The following NEK2 variants were observed in gnomAD, a reference collection of about 807,000 sequenced individuals.
NEK2 encodes the protein NIMA related kinase 2.
NEK2 carries 28 observed loss-of-function variants against 54.1 expected under a neutral mutation model. The observed-to-expected ratio is 0.52, with a 90% confidence interval of 0.38 to 0.71. The LOEUF (loss-of-function observed/expected upper bound fraction) is 0.71. Ranked by LOEUF, NEK2 falls within the 30% of genes least tolerant of loss-of-function variation. The pLI, the probability that NEK2 is intolerant of heterozygous loss-of-function variation, is 0.00. For synonymous variants in NEK2, 176 were observed against 193.1 expected, an observed-to-expected ratio of 0.91 and a Z score of 0.73; for missense variants, 407 against 531.5, an observed-to-expected ratio of 0.77 and a Z score of 2.30.
intron 7 of NEK2, among the ~76,000 whole-genome samples, chr1:211,664,102 T>C (rs1655101348): frequency 6.6e-6 from 1 of 151,462 alleles, no homozygotes; most frequent in Non-Finnish European, 1.5e-5. Flanking sequence ...CCTACAGTTT[T>C]GGTTAAATGT....
At position 211,662,953 on chromosome 1, in the gene NEK2, T is replaced by A; in HGVS notation, c.*473A>T. The stretch of plus-strand genomic sequence containing the variant: ...ATTTATAAGCAAGATGTCATGGTAT[T>A]AATGACCAAATTGCATCTAACTGGG... On this transcript the variant is annotated 3_prime_UTR_variant, in exon 8 of 8. Transcript: ENST00000366999. This position sits in a 1 kb window ranked among gnomAD's most constrained non-coding sequence, Gnocchi z 4.2. 1.0e-6 allele frequency: 1 copy of A among 989,428 alleles called. No individual in the cohort carries two copies. Among genetic ancestry groups the A allele is most frequent in the Non-Finnish European group, 1.2e-6 (1 of 831,972 alleles). The allele number at this position is 989,428 out of a possible 1,614,324, so 61.3% of individuals were successfully genotyped here. A position where few individuals can be genotyped will look rare whatever the true frequency, so the allele number is the denominator to read the frequency against.
rs1379600102 is a variant in NEK2, at chr1:211,663,303, T to C, written c.*123A>G. Reference sequence around the variant, plus strand: ...CAGTAAAACCAATTCCGAAATATCATGTGTACTATACAGAAAGGCATGGCT... The same window carrying C: ...CAGTAAAACCAATTCCGAAATATCACGTGTACTATACAGAAAGGCATGGCT... On this transcript the variant is annotated 3_prime_UTR_variant, in exon 8 of 8. Coordinates refer to ENST00000366999, the MANE Select transcript of NEK2 (RefSeq NM_002497.4). 10 of 1,444,040 alleles carry C rather than the reference T, an allele frequency of 6.9e-6. No homozygotes were observed. The highest frequency in any genetic ancestry group is 5.6e-5 in the Admixed American group (2 of 36,010). 89.5% of individuals were successfully genotyped at this position (1,444,040 alleles called of 1,614,324 possible).
At chr1:211,671,151 G>A (rs373739791) in intron 4 of NEK2, 51 bp downstream of exon 4, 23 of 1,432,926 alleles carry the variant, frequency 1.6e-5, no homozygotes, top group Admixed American at 1.0e-4. Flanking sequence ...CCAGTGAAAT[G>A]TGACAAACAG....
At chr1:211,662,444 A>G (rs894852), downstream of NEK2, among the ~76,000 whole-genome samples, 114,463 of 152,120 alleles carry the variant, frequency 0.75, 43,568 homozygotes, top group African/African-American at 0.85. This position sits in a 1 kb window ranked among gnomAD's most constrained non-coding sequence, Gnocchi z 4.2. Context: ...TGTTGTCAGC[A>G]GCTGTCCTGT....
At chr1:211,661,281 C>T, downstream of NEK2, 1 of 603,414 alleles carries the variant, frequency 1.7e-6, no homozygotes, top group Admixed American at 2.1e-5. Flanking sequence ...GGCTCTATTC[C>T]TGGATGCGGG....
chr1:211,660,782 CA>C, downstream of NEK2: 1 of 694,052 alleles, frequency 1.4e-6, no homozygotes, highest in South Asian at 1.4e-5. Flanking sequence ...AGGAAGAGCT[CA>C]ATCAGGTTCA....
chr1:211,666,459 C>T, intron 7 of NEK2: 1 of 957,816 alleles, frequency 1.0e-6, no homozygotes, highest in Non-Finnish European at 1.2e-6. Flanking sequence ...CAGTTTATCT[C>T]TCTGAAATCT....
downstream of NEK2, chr1:211,661,061 A>C (rs1571636728): frequency 1.3e-6 from 1 of 741,318 alleles, no homozygotes; most frequent in Non-Finnish European, 2.5e-6. Context: ...AATGCTAAGC[A>C]CCGTCAAACC....
chr1:211,672,576 G>A (rs1655430001), intron 3 of NEK2, among the ~76,000 whole-genome samples: 1 of 150,862 alleles, frequency 6.6e-6, no homozygotes. Context: ...CATTTACAGA[G>A]CCTCTTAAAT....
chr1:211,673,581 G>A lies in NEK2; in HGVS notation c.457C>T (p.Gln153Ter). The change falls in exon 3 of 8, where the codon CAA becomes TAA. Residue 153 changes from glutamine to a stop codon, truncating the protein, a stop_gained. Transcript: ENST00000366999. LOFTEE classifies it high-confidence loss of function. ...KPANVFLDGK[Q>*]NVKLGDFGLA... ...CCAAAGTCTCCAAGCTTGACGTTTTGCTTGCCATCCAGGAAAACATTGGCT... is the reference window on the plus strand; with the variant it reads ...CCAAAGTCTCCAAGCTTGACGTTTTACTTGCCATCCAGGAAAACATTGGCT... The A allele has an allele frequency of 4.3e-6, 7 of 1,614,128 alleles. No individual in the cohort carries two copies. The highest frequency in any genetic ancestry group is 5.9e-6 in the Non-Finnish European group (7 of 1,179,990).
chr1:211,658,529 A>T (rs1352043328), downstream of NEK2: 1 of 361,422 alleles, frequency 2.8e-6, no homozygotes, highest in Non-Finnish European at 5.5e-6. Context: ...AATGGCTCAT[A>T]CCTGTAATCC....
intron 1 of NEK2, among the ~76,000 whole-genome samples, chr1:211,675,113 C>G (rs574197306): frequency 6.6e-6 from 1 of 152,202 alleles, no homozygotes; most frequent in East Asian, 1.9e-4. Flanking sequence ...TTACCTGTCA[C>G]CAATGGAAGG....
chr1:211,661,116 T>C, downstream of NEK2: 2 of 747,386 alleles, frequency 2.7e-6, no homozygotes, highest in Non-Finnish European at 5.0e-6. Context: ...CAGGACCTCC[T>C]TGAGCTGGGC....
rs527710305 is a variant in NEK2, at chr1:211,665,638, T to C, written c.1111+1468A>G. 8.5e-5 allele frequency among the ~76,000 whole-genome samples: 13 copies of C among 152,300 alleles called. No homozygotes were observed. The East Asian group carries it at 2.5e-3, about 29-fold the overall frequency. ...TTTATGGATGACAGTGTGGAATCTA[T>C]GAAAAGCCAGAATAAATATTTTTAT... On this transcript the variant is annotated intron_variant, in intron 7 of 7. Coordinates refer to ENST00000366999, the MANE Select transcript of NEK2 (RefSeq NM_002497.4).
downstream of NEK2, chr1:211,661,084 T>C: frequency 1.3e-6 from 1 of 743,266 alleles, no homozygotes; most frequent in South Asian, 1.4e-5. Flanking sequence ...GGTGATAACT[T>C]GCCTCCGATG....
downstream of NEK2, among the ~76,000 whole-genome samples, chr1:211,659,795 A>C (rs1654969716): frequency 6.6e-6 from 1 of 151,044 alleles, no homozygotes; most frequent in Admixed American, 6.6e-5. Context: ...CATACTGTAC[A>C]CAAGGAAACA....
At chr1:211,659,409 T>C (rs1231900072), downstream of NEK2, among the ~76,000 whole-genome samples, 5 of 152,194 alleles carry the variant, frequency 3.3e-5, no homozygotes, top group Non-Finnish European at 5.9e-5. Context: ...GGAGAATATG[T>C]TCACATTCAT....
At chr1:211,667,330 T>C (rs1302120902) in intron 6 of NEK2, 99 bp from the exon 7 acceptor site, 7 of 1,124,070 alleles carry the variant, frequency 6.2e-6, no homozygotes, top group Non-Finnish European at 8.8e-6. Context: ...GCATGCCTGA[T>C]ACTGATAAGC....
chr1:211,675,089 A>G (rs1571649909), intron 1 of NEK2, among the ~76,000 whole-genome samples: 1 of 152,198 alleles, frequency 6.6e-6, no homozygotes, highest in East Asian at 1.9e-4. Context: ...CTCTAAAAAC[A>G]GCTCAGGAAT....
Sources: allele counts gnomAD v4.1 joint callset (sites outside exome capture counted in the v4.1 genomes callset), GRCh38; gene constraint gnomAD v4.1.1; non-coding constraint Gnocchi (gnomAD v3.1); transcripts MANE v1.5; gene names NCBI Gene and HGNC (gene_info 2026-07-23, HGNC 2026-07-21).